Variants in TNR observed in about 807,000 individuals in gnomAD.
TNR encodes the protein tenascin R.
TNR carries 45 observed loss-of-function variants against 150.4 expected under a neutral mutation model. That is an observed-to-expected ratio of 0.30 (90% confidence interval 0.24 to 0.38). The LOEUF is 0.38. TNR is among the 10% of genes least tolerant of loss of function. The pLI is 1.00. For synonymous variants in TNR, 687 were observed against 678.4 expected (o/e 1.01, Z -0.20); for missense variants, 1,544 against 1,759.1 (o/e 0.88, Z 2.19).
At chr1:175,493,456 G>T (rs1658345392) in intron 2 of TNR, among the ~76,000 whole-genome samples, 1 of 152,210 alleles carries the variant, frequency 6.6e-6, no homozygotes, top group Non-Finnish European at 1.5e-5. Flanking sequence ...GAAGAGACCA[G>T]GGCGGCCTCT....
intron 1 of TNR, among the ~76,000 whole-genome samples, chr1:175,570,671 T>A (rs1374623803): frequency 1.3e-5 from 2 of 152,162 alleles, no homozygotes; most frequent in East Asian, 3.9e-4. Flanking sequence ...CTTTTGTCCC[T>A]TCTTCCTTCT....
chr1:175,384,609 TGGAGAAAA>T (rs1418705051), intron 8 of TNR, among the ~76,000 whole-genome samples: 2 of 152,260 alleles, frequency 1.3e-5, no homozygotes, highest in Non-Finnish European at 2.9e-5. Flanking sequence ...TCTCTTTTGC[TGGAGAAAA>T]TGAGCTTACC....
intron 1 of TNR, among the ~76,000 whole-genome samples, chr1:175,531,867 G>A (rs777859849): frequency 4.6e-5 from 7 of 152,246 alleles, no homozygotes; most frequent in South Asian, 2.1e-4. Context: ...GGACTTTGTA[G>A]CATGGGCTCC....
intron 1 of TNR, among the ~76,000 whole-genome samples, chr1:175,660,313 C>A (rs1665322713): frequency 6.6e-6 from 1 of 152,248 alleles, no homozygotes; most frequent in Non-Finnish European, 1.5e-5. Flanking sequence ...TCAGTTCCTA[C>A]AATGCCCCAG....
Position 175,419,450 on chromosome 1 carries a change from TA to T in TNR, c.-63-12674del, listed in dbSNP as rs1299042467. On this transcript the variant is annotated intron_variant, in intron 2 of 22. Coordinates refer to ENST00000367674, the MANE Select transcript of TNR (RefSeq NM_003285.3). ...TTCGTGTGGGATCCATATAGGTTATTAAAAAAACCCACTAAGGGGATGCAGA... is the reference window on the plus strand; with the variant it reads ...TTCGTGTGGGATCCATATAGGTTATTAAAAAACCCACTAAGGGGATGCAGA... Among the ~76,000 whole-genome samples the T allele has an allele frequency of 3.3e-5, 5 of 152,124 alleles. No homozygotes were observed. The East Asian group carries it at 9.7e-4, about 29-fold the overall frequency.
intron 2 of TNR, among the ~76,000 whole-genome samples, chr1:175,458,289 G>A (rs1656655478): frequency 6.6e-6 from 1 of 152,024 alleles, no homozygotes; most frequent in African/African-American, 2.4e-5. Flanking sequence ...GTACTTTCTG[G>A]AGTTAATAAT....
At chr1:175,635,610 A>G (rs1571698978) in intron 1 of TNR, among the ~76,000 whole-genome samples, 1 of 152,174 alleles carries the variant, frequency 6.6e-6, no homozygotes, top group Non-Finnish European at 1.5e-5. Flanking sequence ...AGACAGATGG[A>G]ATTGGTAGTG....
intron 1 of TNR, among the ~76,000 whole-genome samples, chr1:175,624,972 G>A (rs1234361596): frequency 6.6e-6 from 1 of 152,224 alleles, no homozygotes; most frequent in African/African-American, 2.4e-5. Context: ...CCGGTTTTCT[G>A]GGGAGCTGCT....
At chr1:175,447,007 A>G (rs1167538631) in intron 2 of TNR, among the ~76,000 whole-genome samples, 4 of 152,164 alleles carry the variant, frequency 2.6e-5, no homozygotes, top group Non-Finnish European at 5.9e-5. Context: ...TGTTATGTTT[A>G]CATATATGTG....
At chr1:175,436,706 C>T (rs982773038) in intron 2 of TNR, among the ~76,000 whole-genome samples, 1 of 151,848 alleles carries the variant, frequency 6.6e-6, no homozygotes, top group African/African-American at 2.4e-5. Flanking sequence ...AAATGGAAAA[C>T]CAAAAAAAGG....
intron 1 of TNR, among the ~76,000 whole-genome samples, chr1:175,623,950 C>T (rs2101867132): frequency 6.6e-6 from 1 of 152,330 alleles, no homozygotes; most frequent in South Asian, 2.1e-4. Flanking sequence ...GGTTTTCTGA[C>T]TCTTATTTTT....
chr1:175,368,723 G>T (rs1651949300), intron 9 of TNR, among the ~76,000 whole-genome samples: 1 of 152,228 alleles, frequency 6.6e-6, no homozygotes, highest in African/African-American at 2.4e-5. Flanking sequence ...GCCAAGGCGG[G>T]TGGATCATCT....
rs545281073 is a variant in TNR, at chr1:175,377,059, T to A, written c.1963+2493A>T. Among the ~76,000 whole-genome samples the A allele has an allele frequency of 1.1e-4, 16 of 152,224 alleles. No individual in the cohort carries two copies. In the South Asian group the frequency reaches 3.1e-3, roughly 30 times the overall value. On this transcript the variant is annotated intron_variant, in intron 9 of 22. Transcript: ENST00000367674. Reference sequence around the variant, plus strand: ...GGAAGGGGAATCTTCTGACTGGGACTCGAAAGGACTGGCTTTGAATCACAG... The same window carrying A: ...GGAAGGGGAATCTTCTGACTGGGACACGAAAGGACTGGCTTTGAATCACAG...
chr1:175,476,573 C>T (rs1657553287), intron 2 of TNR, among the ~76,000 whole-genome samples: 1 of 152,168 alleles, frequency 6.6e-6, no homozygotes, highest in Admixed American at 6.5e-5. Flanking sequence ...CTCTTCTTTG[C>T]AGCTGTCTGA....
chr1:175,328,426 G>A (rs1571292719), intron 21 of TNR, among the ~76,000 whole-genome samples: 1 of 152,278 alleles, frequency 6.6e-6, no homozygotes, highest in East Asian at 1.9e-4. Flanking sequence ...TGATTCAGAA[G>A]GCCACTACTA....
At chr1:175,702,775 G>T (rs1666733604) in intron 1 of TNR, among the ~76,000 whole-genome samples, 1 of 152,222 alleles carries the variant, frequency 6.6e-6, no homozygotes, top group Non-Finnish European at 1.5e-5. Flanking sequence ...GCCATTAAAT[G>T]TTCCACATTT....
chr1:175,440,364 G>A (rs887232366), intron 2 of TNR, among the ~76,000 whole-genome samples: 14 of 149,844 alleles, frequency 9.3e-5, no homozygotes, highest in Admixed American at 2.0e-4. Flanking sequence ...ATCATACACC[G>A]GGGACTGTTG....
At chr1:175,521,496 A>G (rs1659638166) in intron 2 of TNR, among the ~76,000 whole-genome samples, 1 of 152,206 alleles carries the variant, frequency 6.6e-6, no homozygotes, top group South Asian at 2.1e-4. Flanking sequence ...GGGACCGCAG[A>G]AATATTTTCG....
intron 12 of TNR, 134 bp downstream of exon 12, chr1:175,364,876 A>G (rs1009311707): frequency 1.8e-6 from 2 of 1,109,466 alleles, no homozygotes; most frequent in South Asian, 1.7e-5. Flanking sequence ...GTTTCAGAAC[A>G]GGTCACAGAC....
Sources: gnomAD v4.1 joint callset for allele counts (sites outside exome capture counted in the v4.1 genomes callset) on GRCh38, gnomAD v4.1.1 for gene constraint, MANE v1.5 for transcripts, NCBI Gene and HGNC (gene_info 2026-07-23, HGNC 2026-07-21) for gene names.